The following EHBP1 variants were observed in gnomAD, a reference collection of about 807,000 sequenced individuals.
The protein encoded by EHBP1 is EH domain-binding protein 1.
In EHBP1, 55 loss-of-function variants were observed where a neutral mutation model predicts 144.0. That is an observed-to-expected ratio of 0.38 (90% CI 0.31 to 0.48). EHBP1 has a LOEUF of 0.48. Ranked by LOEUF, EHBP1 falls within the 20% of genes least tolerant of loss-of-function variation. EHBP1 has a pLI of 0.98. For synonymous variants in EHBP1, 469 were observed against 472.7 expected (o/e 0.99, Z 0.10); for missense variants, 1,200 against 1,364.2 (o/e 0.88, Z 1.90).
At chr2:62,813,337 C>T (rs566031352) in intron 5 of EHBP1, among the ~76,000 whole-genome samples, 1 of 152,282 alleles carries the variant, frequency 6.6e-6, no homozygotes, top group East Asian at 1.9e-4. Flanking sequence ...GGCATGGATA[C>T]CTCTACCTAG....
intron 1 of EHBP1, among the ~76,000 whole-genome samples, chr2:62,681,328 G>GTATATATATATATATATATA: frequency 4.3e-5 from 1 of 23,094 alleles, no homozygotes; most frequent in African/African-American, 3.0e-4. Context: ...ATATTTGTAT[G>GTATATATATATATATATATA]TATGTGTGTG....
At chr2:62,741,329 A>T (rs527445691) in intron 2 of EHBP1, among the ~76,000 whole-genome samples, 1 of 152,108 alleles carries the variant, frequency 6.6e-6, no homozygotes, top group African/African-American at 2.4e-5. Flanking sequence ...CGTGATTAAC[A>T]CTGCGCTTTG....
At chr2:62,838,339 C>T (rs2047477169) in intron 7 of EHBP1, among the ~76,000 whole-genome samples, 1 of 152,118 alleles carries the variant, frequency 6.6e-6, no homozygotes, top group Non-Finnish European at 1.5e-5. Flanking sequence ...ACATTCAAAG[C>T]AGTGTGTAGA....
In EHBP1 at chr2:62,924,483, AAG is replaced by A. The variant is rs1281748884; in HGVS notation, c.1186-18229_1186-18228del. ...CACACCATTAGCTAGACTGGGAAAAAAGAGAGAAGACCCAAATAAATCAGAAA... is the reference window on the plus strand; with the variant it reads ...CACACCATTAGCTAGACTGGGAAAAAAGAGAAGACCCAAATAAATCAGAAA... On this transcript the variant is annotated intron_variant, in intron 10 of 22. Transcript: ENST00000431489. Among the ~76,000 whole-genome samples the A allele has an allele frequency of 2.0e-5, 3 of 152,322 alleles. No individual in the cohort carries two copies. In the South Asian group the frequency reaches 6.2e-4, roughly 32 times the overall value.
intron 14 of EHBP1, among the ~76,000 whole-genome samples, chr2:62,969,523 A>AT (rs1481387188): frequency 6.6e-6 from 1 of 152,158 alleles, no homozygotes; most frequent in Non-Finnish European, 1.5e-5. Context: ...AAATGTGTCT[A>AT]TTTTTTCTGA....
intron 15 of EHBP1, among the ~76,000 whole-genome samples, chr2:62,987,660 G>A (rs1264253596): frequency 6.6e-6 from 1 of 152,062 alleles, no homozygotes; most frequent in African/African-American, 2.4e-5. Context: ...GACTCAATGA[G>A]CTCAGTGATT....
intron 1 of EHBP1, among the ~76,000 whole-genome samples, chr2:62,699,559 A>T (rs533196866): frequency 1.3e-5 from 2 of 152,234 alleles, no homozygotes; most frequent in Non-Finnish European, 2.9e-5. Flanking sequence ...TTAAGTAGTT[A>T]GAAGGCTTAG....
At position 62,796,969 on chromosome 2, in the gene EHBP1, A is replaced by G. The variant is rs531505023; in HGVS notation, c.312+25577A>G. Among the ~76,000 whole-genome samples, 47 of 152,248 alleles carry G rather than the reference A, an allele frequency of 3.1e-4. 1 individual carries two copies. In the South Asian group the frequency reaches 8.1e-3, roughly 26 times the overall value. The stretch of plus-strand genomic sequence containing the variant: ...TTTAAAACCCAATGAATAAAAGTAC[A>G]GTGGTTTTATCTTCCCTAGCTCCCG... On this transcript the variant is annotated intron_variant, in intron 5 of 22. Coordinates refer to ENST00000431489, the MANE Select transcript of EHBP1 (RefSeq NM_001142616.3).
rs188927333 is a variant in EHBP1, at chr2:62,984,323, A to G, written c.2608+4988A>G. Among the ~76,000 whole-genome samples the G allele has an allele frequency of 2.9e-3, 445 of 152,254 alleles. 2 individuals are homozygous for G. The highest frequency in any genetic ancestry group is 4.8e-3 in the African/African-American group (201 of 41,552). ...TATTGACCACACGGTTGGGTTATCTATTTTACTTATAGTGCTGTGCAGTGT... is the reference window on the plus strand; with the variant it reads ...TATTGACCACACGGTTGGGTTATCTGTTTTACTTATAGTGCTGTGCAGTGT... On this transcript the variant is annotated intron_variant, in intron 15 of 22. Transcript: ENST00000431489.
intron 4 of EHBP1, among the ~76,000 whole-genome samples, chr2:62,769,477 A>G (rs150661370): frequency 5.8e-4 from 88 of 152,308 alleles, no homozygotes; most frequent in African/African-American, 2.0e-3. Context: ...ATATGATGAA[A>G]ACTGCAAAAC....
chr2:63,013,247 A>G (rs1244039732), intron 19 of EHBP1, among the ~76,000 whole-genome samples: 1 of 152,222 alleles, frequency 6.6e-6, no homozygotes, highest in East Asian at 1.9e-4. Flanking sequence ...ATATTCTGAA[A>G]TGACTGGCAG....
intron 19 of EHBP1, among the ~76,000 whole-genome samples, chr2:62,997,427 CAT>C (rs139152387): frequency 0.25 from 35,540 of 139,658 alleles, 4,892 homozygotes; most frequent in Non-Finnish European, 0.26. Context: ...GAAAGGAACT[CAT>C]GTGTGTGTGT....
intron 3 of EHBP1, among the ~76,000 whole-genome samples, chr2:62,752,492 G>A (rs1164474761): frequency 6.6e-6 from 1 of 152,140 alleles, no homozygotes; most frequent in Non-Finnish European, 1.5e-5. Context: ...ATGTCTATTA[G>A]GTCTGCTTGG....
intron 7 of EHBP1, among the ~76,000 whole-genome samples, chr2:62,845,046 A>G (rs79553122): frequency 0.047 from 7,132 of 151,958 alleles, 203 homozygotes; most frequent in Middle Eastern, 0.14. Flanking sequence ...AGGAGCAGGG[A>G]TTGCTTTGTC....
intron 5 of EHBP1, 65 bp downstream of exon 5, chr2:62,771,457 C>A: frequency 1.6e-6 from 2 of 1,231,002 alleles, no homozygotes; most frequent in South Asian, 3.6e-5. Context: ...TATTAAGGTA[C>A]ATTGGCATTT....
intron 19 of EHBP1, among the ~76,000 whole-genome samples, chr2:63,028,914 T>C (rs1398943169): frequency 6.6e-6 from 1 of 152,198 alleles, no homozygotes; most frequent in African/African-American, 2.4e-5. Flanking sequence ...GCTTTTTGCT[T>C]TATAAGTATT....
Position 62,859,127 on chromosome 2 carries a change from A to G in EHBP1, c.635-42A>G, listed in dbSNP as rs949412175. 8 of 1,560,990 alleles carry G rather than the reference A, an allele frequency of 5.1e-6. No individual in the cohort carries two copies. In the African/African-American group the frequency reaches 9.5e-5, roughly 19 times the overall value. On this transcript the variant is annotated intron_variant, in intron 7 of 22. Coordinates refer to ENST00000431489, the MANE Select transcript of EHBP1 (RefSeq NM_001142616.3). ...TATTTCACGAATGTTCAATACTTAC[A>G]CTTAACCATAATAGGGAACTAACCC... is the stretch of plus-strand genomic sequence containing the variant.
chr2:63,042,500 T>C (rs901563151), intron 21 of EHBP1, among the ~76,000 whole-genome samples: 4 of 152,100 alleles, frequency 2.6e-5, no homozygotes, highest in Non-Finnish European at 4.4e-5. Context: ...AGATTTAATA[T>C]TTTAAAAACC....
chr2:62,717,918 T>C (rs1380316199), intron 2 of EHBP1, among the ~76,000 whole-genome samples: 1 of 152,176 alleles, frequency 6.6e-6, no homozygotes, highest in Admixed American at 6.5e-5. Context: ...AGTTTGCTGC[T>C]ATTGGAGACT....
Sources: allele counts gnomAD v4.1 joint callset (sites outside exome capture counted in the v4.1 genomes callset), GRCh38; gene constraint gnomAD v4.1.1; transcripts MANE v1.5; gene names NCBI Gene and HGNC (gene_info 2026-07-23, HGNC 2026-07-21).